PIEZO2: variants seen among roughly 807,000 people sequenced by gnomAD.
PIEZO2 encodes piezo type mechanosensitive ion channel component 2, also known as piezo-type mechanosensitive ion channel component 2.
PIEZO2 carries 172 observed loss-of-function variants against 337.3 expected under a neutral mutation model. The observed-to-expected ratio is 0.51, with a 90% confidence interval of 0.45 to 0.58. The LOEUF (loss-of-function observed/expected upper bound fraction) is 0.58. PIEZO2 is among the 20% of genes least tolerant of loss of function. The probability of loss-of-function intolerance (pLI) is 0.00; values close to 1 mark genes in which losing one functional copy is unlikely to be tolerated. For synonymous variants in PIEZO2, 1,251 were observed against 1,228.5 expected (o/e 1.02, Z -0.38); for missense variants, 3,028 against 3,391.3 (o/e 0.89, Z 2.66).
intron 20 of PIEZO2, among the ~76,000 whole-genome samples, chr18:10,771,557 T>A (rs943049496): frequency 6.6e-6 from 1 of 152,250 alleles, no homozygotes; most frequent in East Asian, 1.9e-4. Context: ...CTTCTTTAAC[T>A]GGCTTGGGTA....
chr18:10,945,250 G>A lies in PIEZO2; in HGVS notation c.287-34022C>T, dbSNP rs2032955737. Among the ~76,000 whole-genome samples, 1 of 152,102 alleles carries A rather than the reference G, an allele frequency of 6.6e-6. No homozygotes were observed. Among genetic ancestry groups the A allele is most frequent in the Non-Finnish European group, 1.5e-5 (1 of 68,016 alleles). On this transcript the variant is annotated intron_variant, in intron 3 of 55. Coordinates refer to ENST00000674853, the MANE Select transcript of PIEZO2 (RefSeq NM_001378183.1). This position sits in a 1 kb window ranked among gnomAD's most constrained non-coding sequence, Gnocchi z 4.0. ...GCTGGAGTGCAGTGGCACAATCATA[G>A]CTCACTGCAGCCTCAAACTCCTGTG... is the stretch of plus-strand genomic sequence containing the variant.
At chr18:10,966,761 C>T (rs2034017415) in intron 3 of PIEZO2, among the ~76,000 whole-genome samples, 2 of 151,892 alleles carry the variant, frequency 1.3e-5, no homozygotes, top group African/African-American at 2.4e-5. Flanking sequence ...GTCTTTTATC[C>T]CTCACCCACC....
Position 10,903,615 on chromosome 18 carries a change from G to A in PIEZO2, c.329+7571C>T, listed in dbSNP as rs1414038116. 2.6e-5 allele frequency among the ~76,000 whole-genome samples: 4 copies of A among 151,832 alleles called. No individual in the cohort carries two copies. Among genetic ancestry groups the A allele is most frequent in the Middle Eastern group, 6.8e-3 (2 of 294 alleles). The stretch of plus-strand genomic sequence containing the variant: ...AACCCAGGAGGAGGCAGAGCTTGCA[G>A]TGAGCCGAGATCACACCACTGCACT... On this transcript the variant is annotated intron_variant, in intron 4 of 55. Transcript: ENST00000674853. The surrounding 1 kb of genome is among the most constrained non-coding windows in gnomAD (Gnocchi z 4.1).
intron 4 of PIEZO2, among the ~76,000 whole-genome samples, chr18:10,893,964 G>A (rs927120269): frequency 5.3e-5 from 8 of 152,074 alleles, no homozygotes; most frequent in Non-Finnish European, 1.0e-4. Context: ...GCCCCCACCC[G>A]CCACCAGGAA....
intron 39 of PIEZO2, 109 bp downstream of exon 39, chr18:10,714,655 A>G: frequency 7.9e-7 from 1 of 1,263,142 alleles, no homozygotes; most frequent in Admixed American, 2.1e-5. Context: ...GTGGGGGTCC[A>G]TGCATGGTTT....
At chr18:11,136,891 T>C (rs980195962) in intron 1 of PIEZO2, among the ~76,000 whole-genome samples, 6 of 152,246 alleles carry the variant, frequency 3.9e-5, no homozygotes, top group South Asian at 2.1e-4. Flanking sequence ...TATCTTTTTC[T>C]GACTCAAATC....
Position 11,003,068 on chromosome 18 carries a change from A to C in PIEZO2, c.161-23408T>G, listed in dbSNP as rs2035602219. Among the ~76,000 whole-genome samples, 3 of 151,102 alleles carry C rather than the reference A, an allele frequency of 2.0e-5. No homozygotes were observed. The highest frequency in any genetic ancestry group is 7.4e-5 in the African/African-American group (3 of 40,388). On this transcript the variant is annotated intron_variant, in intron 2 of 55. Coordinates refer to ENST00000674853, the MANE Select transcript of PIEZO2 (RefSeq NM_001378183.1). This position sits in a 1 kb window ranked among gnomAD's most constrained non-coding sequence, Gnocchi z 4.6. ...CAGCCTTAAGCACAAGGAGATTCTA[A>C]CCTGGGAGATGTCCAGTGACATGTC...
intron 3 of PIEZO2, among the ~76,000 whole-genome samples, chr18:10,911,746 CT>C (rs1222224238): frequency 3.5e-5 from 3 of 86,608 alleles, no homozygotes; most frequent in African/African-American, 1.4e-4. Context: ...AAGAGCAAAA[CT>C]CCATCTTGAA....
At chr18:10,686,661 A>G (rs1232770658) in intron 49 of PIEZO2, among the ~76,000 whole-genome samples, 5 of 152,170 alleles carry the variant, frequency 3.3e-5, no homozygotes, top group East Asian at 1.9e-4. Flanking sequence ...ACAAGCCCCA[A>G]TGTGGGAAGT....
In PIEZO2 at chr18:10,800,375, G is replaced by T; in HGVS notation, c.1340C>A (p.Thr447Asn). The change falls in exon 11 of 56, where the codon ACC becomes AAC. Residue 447 changes from threonine (T) to asparagine (N), a missense_variant. Coordinates refer to ENST00000674853, the MANE Select transcript of PIEZO2 (RefSeq NM_001378183.1). Reference protein sequence around the residue: ...NGPGKADLYSTPQYRWEPSDE... With the variant: ...NGPGKADLYSNPQYRWEPSDE... ...AGAGGGCTCCCACCGGTACTGAGGGGTGGAGTAGAGGTCGGCTTTGCCAGG... is the reference window on the plus strand; with the variant it reads ...AGAGGGCTCCCACCGGTACTGAGGGTTGGAGTAGAGGTCGGCTTTGCCAGG... 5.9e-6 allele frequency: 9 copies of T among 1,536,638 alleles called. No individual in the cohort carries two copies. Among genetic ancestry groups the T allele is most frequent in the Non-Finnish European group, 7.8e-6 (9 of 1,146,606 alleles).
In PIEZO2 at chr18:10,877,896, C is replaced by T. The variant is rs546332759; in HGVS notation, c.330-6481G>A. 4.7e-4 allele frequency among the ~76,000 whole-genome samples: 71 copies of T among 152,236 alleles called. 3 individuals carry two copies. The South Asian group carries it at 6.6e-3, about 14-fold the overall frequency. On this transcript the variant is annotated intron_variant, in intron 4 of 55. Transcript: ENST00000674853. This position sits in a 1 kb window ranked among gnomAD's most constrained non-coding sequence, Gnocchi z 5.3. The stretch of plus-strand genomic sequence containing the variant: ...CATCATTTCCCTCTACCTCAAATTC[C>T]GGCCATACTGAATGCACGTACCCAG...
intron 47 of PIEZO2, among the ~76,000 whole-genome samples, chr18:10,692,540 CT>C (rs1474425933): frequency 6.7e-6 from 1 of 149,096 alleles, no homozygotes; most frequent in Admixed American, 6.8e-5. Context: ...TCTTTCCTTC[CT>C]TCTCTTTCTG....
At chr18:10,932,473 G>A (rs1230736060) in intron 3 of PIEZO2, among the ~76,000 whole-genome samples, 1 of 152,140 alleles carries the variant, frequency 6.6e-6, no homozygotes, top group African/African-American at 2.4e-5. Flanking sequence ...GTATCGAGTA[G>A]CTCCCATAAT....
rs879445339 is a variant in PIEZO2, at chr18:10,940,860, C to CA, written c.287-29633dup. Among the ~76,000 whole-genome samples, 309 of 134,502 alleles carry CA rather than the reference C, an allele frequency of 2.3e-3. 1 individual carries two copies. The highest frequency in any genetic ancestry group is 0.012 in the South Asian group (50 of 4,262). 88.2% of individuals were successfully genotyped at this position (134,502 alleles called of 152,430 possible). ...CTGGCTACAGAGCAAGGCTCCATCT[C>CA]AAAAAAAAAAAAGAATTCAGTCTGA... On this transcript the variant is annotated intron_variant, in intron 3 of 55. Transcript: ENST00000674853. This position sits in a 1 kb window ranked among gnomAD's most constrained non-coding sequence, Gnocchi z 5.3.
chr18:10,836,633 T>G (rs974766648), intron 7 of PIEZO2, among the ~76,000 whole-genome samples: 4 of 152,214 alleles, frequency 2.6e-5, no homozygotes, highest in African/African-American at 9.7e-5. Context: ...TGTCCTATAA[T>G]AGTTGGTCAA....
chr18:10,743,248 T>C (rs924164387), intron 31 of PIEZO2, among the ~76,000 whole-genome samples: 10 of 152,184 alleles, frequency 6.6e-5, no homozygotes, highest in African/African-American at 2.2e-4. Flanking sequence ...GAAATATTTC[T>C]GCTTGGGAAA....
At chr18:11,059,997 A>G (rs1175413639) in intron 2 of PIEZO2, among the ~76,000 whole-genome samples, 1 of 152,210 alleles carries the variant, frequency 6.6e-6, no homozygotes, top group Non-Finnish European at 1.5e-5. Flanking sequence ...AATTGACCAC[A>G]TAGTTGGAAG....
chr18:10,884,101 G>T (rs755524156), intron 4 of PIEZO2, among the ~76,000 whole-genome samples: 7 of 151,958 alleles, frequency 4.6e-5, no homozygotes, highest in African/African-American at 1.7e-4. Context: ...GTAAGCCACC[G>T]CAACTGGCCT....
chr18:10,966,729 T>C (rs1387375661), intron 3 of PIEZO2, among the ~76,000 whole-genome samples: 1 of 152,202 alleles, frequency 6.6e-6, no homozygotes, highest in Non-Finnish European at 1.5e-5. Context: ...ACCTGAGCAG[T>C]GTACACTGTA....
Sources: gnomAD v4.1 joint callset for allele counts (sites outside exome capture counted in the v4.1 genomes callset) on GRCh38, gnomAD v4.1.1 for gene constraint, Gnocchi (gnomAD v3.1) non-coding constraint, MANE v1.5 for transcripts, NCBI Gene and HGNC (gene_info 2026-07-23, HGNC 2026-07-21) for gene names.